Variants in RINT1 observed in about 807,000 individuals in gnomAD.
The protein encoded by RINT1 is RAD50-interacting protein 1.
RINT1 carries 75 observed loss-of-function variants against 97.7 expected under a neutral mutation model. That is an observed-to-expected ratio of 0.77 (90% confidence interval 0.64 to 0.93). The LOEUF (loss-of-function observed/expected upper bound fraction) is 0.93. Among genes scored for constraint, RINT1 ranks in the 40% least tolerant of loss-of-function variants. The probability of loss-of-function intolerance (pLI) is 0.00; values close to 1 mark genes in which losing one functional copy is unlikely to be tolerated. For missense variants in RINT1, 892 were observed against 925.2 expected (o/e 0.96, Z 0.47); for synonymous variants, 303 against 326.3 (o/e 0.93, Z 0.77).
intron 3 of RINT1, 198 bp from the exon 4 acceptor site, chr7:105,542,210 G>A: frequency 5.5e-6 from 3 of 548,402 alleles, no homozygotes; most frequent in South Asian, 2.3e-5. Flanking sequence ...TGGTGCATAT[G>A]TGTAGTCCCA....
rs1060504807 is a variant in RINT1 at position 105,532,865 on chromosome 7, G to A, written c.84G>A (p.Glu28=). The part of the protein sequence containing the change: ...ESGDERKNLE[E]KSDINVTVLI... ...GTGACGAAAGGAAGAACCTCGAGGAGAAAAGTAAGCCAGCTCCAAACACCT... is the reference window on the plus strand; with the variant it reads ...GTGACGAAAGGAAGAACCTCGAGGAAAAAAGTAAGCCAGCTCCAAACACCT... Residue 28 remains glutamate, a synonymous_variant, in exon 2 of 15, where the codon GAG becomes GAA. Coordinates refer to ENST00000257700, the MANE Select transcript of RINT1 (RefSeq NM_021930.6). 7 of 1,614,026 alleles carry A rather than the reference G, an allele frequency of 4.3e-6. No homozygotes were observed. In the African/African-American group the frequency reaches 9.3e-5, roughly 22 times the overall value.
intron 2 of RINT1, among the ~76,000 whole-genome samples, chr7:105,535,229 CTTT>C (rs57647904): frequency 8.5e-5 from 11 of 129,380 alleles, no homozygotes; most frequent in Admixed American, 2.4e-4. Flanking sequence ...GCTTAAAAAC[CTTT>C]TTTTTTTTTT....
At chr7:105,540,087 T>C (rs1790396638) in intron 3 of RINT1, among the ~76,000 whole-genome samples, 1 of 151,154 alleles carries the variant, frequency 6.6e-6, no homozygotes, top group Non-Finnish European at 1.5e-5. Flanking sequence ...TTCTTTTTTT[T>C]TTTTTTTTTG....
Position 105,550,266 on chromosome 7 carries a change from AT to A in RINT1, c.1117del (p.Ser373LeufsTer5). Reference protein sequence around the residue: ...VGSLVNARLEFSRGLMMLVLE... With the variant: ...VGSLVNARLEXSRGLMMLVLE... ...ATGTTTGTGTATTTTTTTAGCTTGA[AT>A]TTTCTCGGGGCCTTATGATGCTGGT... On this transcript the variant is annotated frameshift_variant, in exon 9 of 15. Coordinates refer to ENST00000257700, the MANE Select transcript of RINT1 (RefSeq NM_021930.6). LOFTEE classifies it high-confidence loss of function. 6.2e-7 allele frequency: 1 copy of A among 1,613,540 alleles called. No homozygotes were observed. The highest frequency in any genetic ancestry group is 8.5e-7 in the Non-Finnish European group (1 of 1,179,874).
chr7:105,542,670 C>T, intron 4 of RINT1, 21 bp downstream of exon 4: 1 of 1,608,158 alleles, frequency 6.2e-7, no homozygotes. Flanking sequence ...CCTCTTTGTT[C>T]TCACAATTAC....
At chr7:105,543,048 C>T (rs944688197) in intron 4 of RINT1, among the ~76,000 whole-genome samples, 2 of 151,786 alleles carry the variant, frequency 1.3e-5, no homozygotes, top group African/African-American at 4.8e-5. Context: ...CCATGCCTGG[C>T]TAATTTTTTT....
At position 105,542,652 on chromosome 7, in the gene RINT1, A is replaced by G. The variant is rs1332078408; in HGVS notation, c.515+3A>G. 1 of 1,612,206 alleles carries G rather than the reference A, an allele frequency of 6.2e-7. No individual in the cohort carries two copies. Among genetic ancestry groups the G allele is most frequent in the Non-Finnish European group, 8.5e-7 (1 of 1,178,942 alleles). The stretch of plus-strand genomic sequence containing the variant: ...ATTTCACAAATTGAAGAACTAAGGT[A>G]AAATGGGCCTCTTTGTTCTCACAAT... On this transcript the variant is annotated splice_donor_region_variant and intron_variant, in intron 4 of 14. Coordinates refer to ENST00000257700, the MANE Select transcript of RINT1 (RefSeq NM_021930.6).
rs1790570185 is a variant in RINT1, at chr7:105,544,180, C to T, written c.515+1531C>T. On this transcript the variant is annotated intron_variant, in intron 4 of 14. Coordinates refer to ENST00000257700, the MANE Select transcript of RINT1 (RefSeq NM_021930.6). ...ACATATAAAGTGGTTTAGAACATCT[C>T]ATTCTTGTTTAGATAAATTATTTGC... is the stretch of plus-strand genomic sequence containing the variant. Among the ~76,000 whole-genome samples the T allele has an allele frequency of 2.6e-5, 4 of 151,944 alleles. No homozygotes were observed. In the South Asian group the frequency reaches 8.3e-4, roughly 32 times the overall value.
chr7:105,544,710 C>T (rs906045530), intron 4 of RINT1, among the ~76,000 whole-genome samples: 1 of 152,156 alleles, frequency 6.6e-6, no homozygotes, highest in Non-Finnish European at 1.5e-5. Flanking sequence ...GCTGGGATTA[C>T]AGGTGTGAGC....
intron 2 of RINT1, among the ~76,000 whole-genome samples, chr7:105,533,835 C>G (rs757294502): frequency 2.0e-5 from 3 of 152,176 alleles, no homozygotes. Context: ...GGAAAGTAGT[C>G]TGATGCCTAC....
In RINT1 at chr7:105,548,537, T is replaced by C. The variant is rs1433260118; in HGVS notation, c.840-17T>C. On this transcript the variant is annotated splice_polypyrimidine_tract_variant and intron_variant, in intron 6 of 14. Coordinates refer to ENST00000257700, the MANE Select transcript of RINT1 (RefSeq NM_021930.6). ...AGGTATGCTTTTGATTCTTTTTCCT[T>C]GACTTGATTATGTCAGAGATGAATT... The C allele has an allele frequency of 6.2e-7, 1 of 1,613,798 alleles. No individual in the cohort carries two copies. The highest frequency in any genetic ancestry group is 2.2e-5 in the East Asian group (1 of 44,870).
At position 105,567,196 on chromosome 7, in the gene RINT1, CA is replaced by C; in HGVS notation, c.2265del (p.Gln757SerfsTer8). ...LLLKDVLQSA[S>X]GQLPATAALN... ...CTGAAAGATGTACTGCAGTCAGCTTCAGGGCAGCTTCCTGCCACAGCAGCAT... is the reference window on the plus strand; with the variant it reads ...CTGAAAGATGTACTGCAGTCAGCTTCGGGCAGCTTCCTGCCACAGCAGCAT... On this transcript the variant is annotated frameshift_variant, in exon 15 of 15. Coordinates refer to ENST00000257700, the MANE Select transcript of RINT1 (RefSeq NM_021930.6). LOFTEE classifies it high-confidence loss of function. The C allele has an allele frequency of 6.2e-7, 1 of 1,612,696 alleles. No homozygotes were observed. The highest frequency in any genetic ancestry group is 1.1e-5 in the South Asian group (1 of 90,540).
intron 2 of RINT1, among the ~76,000 whole-genome samples, chr7:105,534,832 CTT>C: frequency 6.6e-6 from 1 of 152,156 alleles, no homozygotes; most frequent in East Asian, 1.9e-4. Flanking sequence ...TGTGAAAAAT[CTT>C]TTAATTTAAT....
chr7:105,547,349 C>T lies in RINT1; in HGVS notation c.839+16C>T. The T allele has an allele frequency of 6.2e-7, 1 of 1,608,490 alleles. No individual in the cohort carries two copies. Among genetic ancestry groups the T allele is most frequent in the Non-Finnish European group, 8.5e-7 (1 of 1,177,624 alleles). On this transcript the variant is annotated intron_variant, in intron 6 of 14. Coordinates refer to ENST00000257700, the MANE Select transcript of RINT1 (RefSeq NM_021930.6). ...TACAAACCTCGTATCTTTGTTGCAGCTGAAAACTTACTAAAATTTCTTTTT... is the reference window on the plus strand; with the variant it reads ...TACAAACCTCGTATCTTTGTTGCAGTTGAAAACTTACTAAAATTTCTTTTT...
chr7:105,533,544 G>A (rs989976770), intron 2 of RINT1, among the ~76,000 whole-genome samples: 2 of 152,154 alleles, frequency 1.3e-5, no homozygotes, highest in Non-Finnish European at 2.9e-5. Flanking sequence ...CTCTGCTATT[G>A]GGATTTTTGG....
intron 11 of RINT1, among the ~76,000 whole-genome samples, chr7:105,562,488 C>T (rs1403831427): frequency 6.6e-6 from 1 of 152,184 alleles, no homozygotes; most frequent in Non-Finnish European, 1.5e-5. Flanking sequence ...AGTGCTGGCA[C>T]TATAGGCATG....
intron 4 of RINT1, among the ~76,000 whole-genome samples, chr7:105,544,434 T>C (rs1790578156): frequency 1.3e-5 from 2 of 151,908 alleles, no homozygotes; most frequent in Admixed American, 1.3e-4. Context: ...TTATTTTAAT[T>C]TTCTTTTTAT....
At chr7:105,566,571 CTG>C (rs1791756033) in intron 14 of RINT1, 1 of 151,908 alleles carries the variant, frequency 6.6e-6, no homozygotes, top group Non-Finnish European at 1.5e-5. Context: ...ACTTGAGAGG[CTG>C]AGGCTGTAGT....
intron 2 of RINT1, among the ~76,000 whole-genome samples, chr7:105,534,004 C>A (rs1790130130): frequency 6.6e-6 from 1 of 152,004 alleles, no homozygotes; most frequent in African/African-American, 2.4e-5. Flanking sequence ...ACCGGTGTGT[C>A]ATTTTGAAGA....
Sources: gnomAD v4.1 joint callset for allele counts (sites outside exome capture counted in the v4.1 genomes callset) on GRCh38, gnomAD v4.1.1 for gene constraint, MANE v1.5 for transcripts, NCBI Gene and HGNC (gene_info 2026-07-23, HGNC 2026-07-21) for gene names.